The following ATP13A1 variants were observed in gnomAD, a reference collection of about 807,000 sequenced individuals.
The protein encoded by ATP13A1 is endoplasmic reticulum transmembrane helix translocase.
In ATP13A1, 55 loss-of-function variants were observed where a neutral mutation model predicts 134.8. That is an observed-to-expected ratio of 0.41 (90% CI 0.33 to 0.51). ATP13A1 has a LOEUF of 0.51. Ranked by LOEUF, ATP13A1 falls within the 20% of genes least tolerant of loss-of-function variation. ATP13A1 has a pLI of 0.29. For synonymous variants in ATP13A1, 775 were observed against 725.1 expected (o/e 1.07, Z -1.10); for missense variants, 1,389 against 1,652.8 (o/e 0.84, Z 2.77).
Position 19,654,524 on chromosome 19 carries a change from T to G in ATP13A1, c.1813+19A>C, listed in dbSNP as rs780162274. On this transcript the variant is annotated intron_variant, in intron 13 of 25. Transcript: ENST00000357324. Reference sequence around the variant, plus strand: ...GCCAGTGGCTCCCCCTTGCTGGGCCTGAGGCCCCAGCCCCTCACCTTTGGT... The same window carrying G: ...GCCAGTGGCTCCCCCTTGCTGGGCCGGAGGCCCCAGCCCCTCACCTTTGGT... 1.1e-5 allele frequency: 18 copies of G among 1,586,574 alleles called. No homozygotes were observed. In the South Asian group the frequency reaches 2.0e-4, roughly 18 times the overall value.
intron 1 of ATP13A1, chr19:19,660,520 G>A (rs1242752819): frequency 6.5e-6 from 1 of 153,598 alleles, no homozygotes; most frequent in Admixed American, 6.6e-5. Context: ...CAGGCACAGT[G>A]GCTCGCACCT....
Position 19,645,483 on chromosome 19 carries a change from A to G in ATP13A1, c.3554T>C (p.Leu1185Pro). The G allele has an allele frequency of 1.2e-6, 2 of 1,608,438 alleles. No homozygotes were observed. Among genetic ancestry groups the G allele is most frequent in the Non-Finnish European group, 1.7e-6 (2 of 1,177,638 alleles). Residue 1185 changes from leucine (L) to proline (P), a missense_variant, in exon 26 of 26, where the codon CTC becomes CCC. Physicochemically the swap from Leu to Pro is moderately conservative, Grantham distance 98. Transcript: ENST00000357324. The surrounding 1 kb of genome is among the most constrained non-coding windows in gnomAD (Gnocchi z 4.1). ...GAACTGCAGGACGCGGTCGGCCAGG[A>G]GCGCCAGGCAGAAGTCCAGGAGCAG... is the stretch of plus-strand genomic sequence containing the variant. ...QVLLLDFCLA[L>P]LADRVLQFFL... is the part of the protein sequence containing the mutation.
rs551515809 is a variant in ATP13A1 at position 19,663,502 on chromosome 19, C to T, written c.165G>A (p.Pro55=). The T allele has an allele frequency of 3.3e-6, 5 of 1,534,390 alleles. No individual in the cohort carries two copies. The African/African-American group carries it at 6.9e-5, about 21-fold the overall frequency. The change falls in exon 1 of 26, where the codon CCG becomes CCA. Residue 55 remains proline, a synonymous_variant. Coordinates refer to ENST00000357324, the MANE Select transcript of ATP13A1 (RefSeq NM_020410.3). ...NGDELVAAVW[P]YRRLALLRRL... is the part of the protein sequence containing the mutation. The stretch of plus-strand genomic sequence containing the variant: ...GCCGCAACAGCGCCAACCGCCGGTA[C>T]GGCCACACGGCAGCCACCAGCTCGT...
rs751497090 is a variant in ATP13A1 at position 19,656,013 on chromosome 19, G to C, written c.1213+41C>G. 4 of 1,612,772 alleles carry C rather than the reference G, an allele frequency of 2.5e-6. No individual in the cohort carries two copies. Among genetic ancestry groups the C allele is most frequent in the Non-Finnish European group, 3.4e-6 (4 of 1,179,656 alleles). On this transcript the variant is annotated intron_variant, in intron 8 of 25. Transcript: ENST00000357324. The surrounding 1 kb of genome is among the most constrained non-coding windows in gnomAD (Gnocchi z 4.6). Reference sequence around the variant, plus strand: ...ATGATCAAGCAGACGGGCAAAGGGGGTGGAAGCCCAGATACCCCCAGACGC... The same window carrying C: ...ATGATCAAGCAGACGGGCAAAGGGGCTGGAAGCCCAGATACCCCCAGACGC...
rs2062064230 is a variant in ATP13A1 at position 19,657,123 on chromosome 19, C to G, written c.777G>C (p.Leu259=). 6.6e-7 allele frequency: 1 copy of G among 1,514,640 alleles called. No homozygotes were observed. Among genetic ancestry groups the G allele is most frequent in the Non-Finnish European group, 8.8e-7 (1 of 1,131,814 alleles). 93.8% of individuals were successfully genotyped at this position (1,514,640 alleles called of 1,614,324 possible). ...FQVFCVGLWC[L]DEYWYYSVFT... ...AGACGCTGTAGTACCAGTACTCATC[C>G]AGGCACCAGAGCCCCACACAGAACA... The change falls in exon 5 of 26, where the codon CTG becomes CTC. Residue 259 remains leucine (L), a synonymous_variant. Transcript: ENST00000357324.
In ATP13A1 at chr19:19,655,948, A is replaced by T; in HGVS notation, c.1214-15T>A. 1.2e-6 allele frequency: 2 copies of T among 1,604,910 alleles called. No individual in the cohort carries two copies. Among genetic ancestry groups the T allele is most frequent in the Non-Finnish European group, 1.7e-6 (2 of 1,178,498 alleles). On this transcript the variant is annotated splice_polypyrimidine_tract_variant and intron_variant, in intron 8 of 25. Transcript: ENST00000357324. This position sits in a 1 kb window ranked among gnomAD's most constrained non-coding sequence, Gnocchi z 5.7. ...GCTGTCAACCGCTGGGGAGAGAAGC[A>T]GAGTCACCGTCATGCCTGTCTCCTC...
In ATP13A1 at chr19:19,653,710, G is replaced by T; in HGVS notation, c.2100+74C>A. ...ACAACCATTCAACCTGGCACTGTGG[G>T]ACACAGGAGGTGACTCAGGGAGGAG... On this transcript the variant is annotated intron_variant, in intron 15 of 25. Transcript: ENST00000357324. The surrounding 1 kb of genome is among the most constrained non-coding windows in gnomAD (Gnocchi z 4.2). 7.5e-7 allele frequency: 1 copy of T among 1,324,782 alleles called. No homozygotes were observed. Among genetic ancestry groups the T allele is most frequent in the Non-Finnish European group, 1.0e-6 (1 of 957,906 alleles). 82.1% of individuals were successfully genotyped at this position (1,324,782 alleles called of 1,614,324 possible). A position where few individuals can be genotyped will look rare whatever the true frequency, so the allele number is the denominator to read the frequency against.
intron 22 of ATP13A1, 56 bp from the exon 23 acceptor site, chr19:19,646,403 G>A: frequency 1.2e-6 from 2 of 1,602,260 alleles, no homozygotes. Context: ...GGGCCACCCT[G>A]CCCACACAGC....
chr19:19,656,438 C>T lies in ATP13A1; in HGVS notation c.1083+222G>A, dbSNP rs1435750542. ...CCCCTCTGGACTGCTCCCAGCCCAC[C>T]TTGGTCTGACATCCCAGGGCACCAA... On this transcript the variant is annotated intron_variant, in intron 7 of 25. Coordinates refer to ENST00000357324, the MANE Select transcript of ATP13A1 (RefSeq NM_020410.3). The surrounding 1 kb of genome is among the most constrained non-coding windows in gnomAD (Gnocchi z 4.6). Among the ~76,000 whole-genome samples, 1 of 152,164 alleles carries T rather than the reference C, an allele frequency of 6.6e-6. No individual in the cohort carries two copies. The highest frequency in any genetic ancestry group is 2.4e-5 in the African/African-American group (1 of 41,428).
At position 19,647,639 on chromosome 19, in the gene ATP13A1, G is replaced by C; in HGVS notation, c.2753C>G (p.Ser918Trp). 1 of 1,613,204 alleles carries C rather than the reference G, an allele frequency of 6.2e-7. No individual in the cohort carries two copies. The highest frequency in any genetic ancestry group is 8.5e-7 in the Non-Finnish European group (1 of 1,179,832). ...CTGCTCCTCGGAGGGAGGGAGCCCC[G>C]ACCGCTGCTTGGCTGTCCTGGAGGT... ...RATSRTAKQR[S>W]GLPPSEEQPT... The change falls in exon 20 of 26, where the codon TCG (serine) becomes TGG (tryptophan). Residue 918 changes from serine to tryptophan, a missense_variant. Physicochemically the swap from Ser to Trp is radical, Grantham distance 177. Transcript: ENST00000357324. The surrounding 1 kb of genome is among the most constrained non-coding windows in gnomAD (Gnocchi z 4.8).
chr19:19,657,727 G>T (rs1218932539), intron 3 of ATP13A1, among the ~76,000 whole-genome samples: 1 of 152,208 alleles, frequency 6.6e-6, no homozygotes, highest in Non-Finnish European at 1.5e-5. Context: ...CCGTCATCTG[G>T]TCGAGTGACA....
rs1476114692 is a variant in ATP13A1, at chr19:19,649,594, C to T, written c.2605G>A (p.Val869Met). The change falls in exon 19 of 26, where the codon GTG becomes ATG. Residue 869 changes from valine to methionine, a missense_variant. Val to Met is a conservative substitution (Grantham distance 21). Around this residue, in one of 4 missense-constraint regions of ATP13A1, gnomAD observed 747 missense variants for 956.1 expected, o/e 0.78. Transcript: ENST00000357324. ...ACGTCAGCATGCTTCAGGGCGCCCA[C>T]GTCGTTGGTGCCATCCCCACACATG... The part of the protein sequence containing the change: ...TLMCGDGTND[V>M]GALKHADVGV... The T allele has an allele frequency of 3.7e-6, 6 of 1,613,724 alleles. No individual in the cohort carries two copies. Among genetic ancestry groups the T allele is most frequent in the South Asian group, 2.2e-5 (2 of 91,064 alleles).
In ATP13A1 at chr19:19,645,202, T is replaced by G; in HGVS notation, c.*220A>C. On this transcript the variant is annotated 3_prime_UTR_variant, in exon 26 of 26. Coordinates refer to ENST00000357324, the MANE Select transcript of ATP13A1 (RefSeq NM_020410.3). This position sits in a 1 kb window ranked among gnomAD's most constrained non-coding sequence, Gnocchi z 4.1. ...CAGACGAGGTGGAGGCAGGGCTTTT[T>G]AAAATCTCAGATGCTGCTTTATTTA... 1.7e-6 allele frequency: 1 copy of G among 583,502 alleles called. No homozygotes were observed. Among genetic ancestry groups the G allele is most frequent in the South Asian group, 2.0e-5 (1 of 49,188 alleles). 36.1% of individuals were successfully genotyped at this position (583,502 alleles called of 1,614,324 possible).
Position 19,654,073 on chromosome 19 carries a change from C to T in ATP13A1, c.1885G>A (p.Ala629Thr). Residue 629 changes from alanine to threonine, a missense_variant, in exon 14 of 26, where the codon GCC becomes ACC. By Grantham distance (58) the Ala-to-Thr change is moderately conservative. Transcript: ENST00000357324. ...KIHQRFHFAS[A>T]LKRMSVLASY... ...GCAAGCACGGACATTCGCTTCAGGG[C>T]ACTGGCAAAATGAAAGCGCTGGTGA... The T allele has an allele frequency of 1.3e-6, 2 of 1,594,906 alleles. No individual in the cohort carries two copies. Among genetic ancestry groups the T allele is most frequent in the Admixed American group, 1.8e-5 (1 of 56,746 alleles).
intron 16 of ATP13A1, 50 bp downstream of exon 16, chr19:19,652,542 TCTC>T (rs2062031412): frequency 6.4e-6 from 10 of 1,562,140 alleles, no homozygotes; most frequent in Non-Finnish European, 6.1e-6. Context: ...GTAATTGTCA[TCTC>T]CTCGCCTCTA....
chr19:19,654,486 T>G lies in ATP13A1; in HGVS notation c.1813+57A>C. 3 of 1,541,198 alleles carry G rather than the reference T, an allele frequency of 1.9e-6. No homozygotes were observed. In the South Asian group the frequency reaches 3.7e-5, roughly 19 times the overall value. On this transcript the variant is annotated intron_variant, in intron 13 of 25. Transcript: ENST00000357324. ...CTCTGAGGGGTGCAGCCCACCTGCC[T>G]AGGGCTGTGAGAGCCAGTGGCTCCC... is the stretch of plus-strand genomic sequence containing the variant.
intron 16 of ATP13A1, 91 bp from the exon 17 acceptor site, chr19:19,651,888 G>A (rs2062026933): frequency 1.0e-6 from 1 of 1,002,786 alleles, no homozygotes; most frequent in Non-Finnish European, 1.5e-6. Context: ...TCTAAGGTAG[G>A]CCACAGTGGG....
intron 17 of ATP13A1, 169 bp downstream of exon 17, chr19:19,651,520 G>A (rs757542828): frequency 6.0e-6 from 3 of 503,450 alleles, no homozygotes; most frequent in Non-Finnish European, 1.1e-5. Context: ...CCCAGTGAAC[G>A]CTCACATGCT....
At chr19:19,649,973 C>T (rs768452454) in intron 17 of ATP13A1, 33 bp from the exon 18 acceptor site, 5 of 1,541,426 alleles carry the variant, frequency 3.2e-6, no homozygotes, top group Non-Finnish European at 4.3e-6. Flanking sequence ...GGGCTGGGGG[C>T]TTGGCTGACC....
Sources: allele counts gnomAD v4.1 joint callset (sites outside exome capture counted in the v4.1 genomes callset), GRCh38; gene constraint gnomAD v4.1.1; regional missense constraint gnomAD v4.1.1; non-coding constraint Gnocchi (gnomAD v3.1); transcripts MANE v1.5; gene names NCBI Gene and HGNC (gene_info 2026-07-23, HGNC 2026-07-21).